Variants in MIXL1 observed in about 807,000 individuals in gnomAD.
MIXL1 encodes homeobox protein MIXL1.
A neutral mutation model predicts 9.3 loss-of-function variants in MIXL1; 9 were observed. The ratio of observed to expected loss-of-function variants is 0.97; its 90% confidence interval spans 0.58 to 1.69. MIXL1 has a LOEUF of 1.69. Ranked by LOEUF, MIXL1 falls within the 40% of genes most tolerant of loss-of-function variation. The probability of loss-of-function intolerance (pLI) is 0.00; values close to 1 mark genes in which losing one functional copy is unlikely to be tolerated. For missense variants in MIXL1, 330 were observed against 331.7 expected, an observed-to-expected ratio of 0.99 and a Z score of 0.04; for synonymous variants, 164 against 155.6, an observed-to-expected ratio of 1.05 and a Z score of -0.40.
Position 226,223,902 on chromosome 1 carries a change from C to A in MIXL1, c.221C>A (p.Ala74Glu). The A allele has an allele frequency of 7.8e-7, 1 of 1,289,234 alleles. No individual in the cohort carries two copies. The highest frequency in any genetic ancestry group is 9.9e-7 in the Non-Finnish European group (1 of 1,014,162). 79.9% of individuals were successfully genotyped at this position (1,289,234 alleles called of 1,614,324 possible). Residue 74 changes from alanine to glutamate, a missense_variant, in exon 1 of 2, where the codon GCG (alanine) becomes GAG (glutamate). By Grantham distance (107) the Ala-to-Glu change is moderately radical. Coordinates refer to ENST00000366810, the MANE Select transcript of MIXL1 (RefSeq NM_031944.3). ...PPPPASLGSP[A>E]PPKGAAAPSA... Reference sequence around the variant, plus strand: ...CCCCCCGCCAGCCTGGGCTCGCCTGCGCCCCCCAAAGGCGCGGCCGCCCCG... The same window carrying A: ...CCCCCCGCCAGCCTGGGCTCGCCTGAGCCCCCCAAAGGCGCGGCCGCCCCG...
Position 226,226,000 on chromosome 1 carries a change from A to G in MIXL1, c.*188A>G, listed in dbSNP as rs1657152382. ...ACTTTGTCAATGACGTTTTAAGCCC[A>G]CACTCCCACCCCAGAGTTCCCGCAT... On this transcript the variant is annotated 3_prime_UTR_variant, in exon 2 of 2. Coordinates refer to ENST00000366810, the MANE Select transcript of MIXL1 (RefSeq NM_031944.3). 1 of 599,554 alleles carries G rather than the reference A, an allele frequency of 1.7e-6. No homozygotes were observed. The highest frequency in any genetic ancestry group is 2.0e-5 in the South Asian group (1 of 49,628). 37.1% of individuals were successfully genotyped at this position (599,554 alleles called of 1,614,324 possible). A position where few individuals can be genotyped will look rare whatever the true frequency, so the allele number is the denominator to read the frequency against.
rs1464191386 is a variant in MIXL1, at chr1:226,226,614, G to C, written c.*802G>C. 7.0e-6 allele frequency: 1 copy of C among 141,918 alleles called. No individual in the cohort carries two copies. Among genetic ancestry groups the C allele is most frequent in the East Asian group, 2.2e-4 (1 of 4,456 alleles). 8.8% of individuals were successfully genotyped at this position (141,918 alleles called of 1,614,324 possible). A position where few individuals can be genotyped will look rare whatever the true frequency, so the allele number is the denominator to read the frequency against. On this transcript the variant is annotated 3_prime_UTR_variant, in exon 2 of 2. Transcript: ENST00000366810. ...GAATCACTTGAGCCTGGGAGGTGGA[G>C]GTTGCAGTGATCTAAGATCGTGCCA...
Position 226,225,709 on chromosome 1 carries a change from C to T in MIXL1, c.596C>T (p.Ser199Phe), listed in dbSNP as rs755712949. The T allele has an allele frequency of 1.2e-6, 2 of 1,614,172 alleles. No individual in the cohort carries two copies. Among genetic ancestry groups the T allele is most frequent in the South Asian group, 2.2e-5 (2 of 91,082 alleles). ...GGAGGGGGCATCTCTGACTCTAGCT[C>T]CCAAGGTCAGAATTTTGAAACCTGT... ...GVGGGISDSS[S>F]QGQNFETCSP... Residue 199 changes from serine (S) to phenylalanine (F), a missense_variant, in exon 2 of 2, where the codon TCC becomes TTC. Transcript: ENST00000366810.
At position 226,225,805 on chromosome 1, in the gene MIXL1, A is replaced by G; in HGVS notation, c.692A>G (p.Asn231Ser). 1 of 1,608,594 alleles carries G rather than the reference A, an allele frequency of 6.2e-7. No homozygotes were observed. Among genetic ancestry groups the G allele is most frequent in the Non-Finnish European group, 8.5e-7 (1 of 1,176,520 alleles). Residue 231 changes from asparagine to serine, a missense_variant, in exon 2 of 2, where the codon AAC becomes AGC. Physicochemically the swap from Asn to Ser is conservative, Grantham distance 46. Coordinates refer to ENST00000366810, the MANE Select transcript of MIXL1 (RefSeq NM_031944.3). Reference protein sequence around the residue: ...WEEHIFSAFGNF With the variant: ...WEEHIFSAFGSF ...GAACACATCTTTTCTGCCTTTGGTA[A>G]CTTTTGAGGATTCTGGGAGAATTCG...
chr1:226,223,900 T>G lies in MIXL1; in HGVS notation c.219T>G (p.Pro73=). Residue 73 remains proline, a synonymous_variant, in exon 1 of 2, where the codon CCT becomes CCG. Coordinates refer to ENST00000366810, the MANE Select transcript of MIXL1 (RefSeq NM_031944.3). ...APPPPASLGS[P]APPKGAAAPS... ...CGCCCCCCGCCAGCCTGGGCTCGCC[T>G]GCGCCCCCCAAAGGCGCGGCCGCCC... 2 of 1,284,948 alleles carry G rather than the reference T, an allele frequency of 1.6e-6. No homozygotes were observed. The highest frequency in any genetic ancestry group is 2.0e-6 in the Non-Finnish European group (2 of 1,012,032). 79.6% of individuals were successfully genotyped at this position (1,284,948 alleles called of 1,614,324 possible). A position where few individuals can be genotyped will look rare whatever the true frequency, so the allele number is the denominator to read the frequency against.
At position 226,225,935 on chromosome 1, in the gene MIXL1, T is replaced by C. The variant is rs1657150634; in HGVS notation, c.*123T>C. The C allele has an allele frequency of 2.4e-6, 2 of 841,156 alleles. No homozygotes were observed. Among genetic ancestry groups the C allele is most frequent in the Non-Finnish European group, 1.9e-6 (1 of 532,336 alleles). 52.1% of individuals were successfully genotyped at this position (841,156 alleles called of 1,614,324 possible). A position where few individuals can be genotyped will look rare whatever the true frequency, so the allele number is the denominator to read the frequency against. On this transcript the variant is annotated 3_prime_UTR_variant, in exon 2 of 2. Coordinates refer to ENST00000366810, the MANE Select transcript of MIXL1 (RefSeq NM_031944.3). Reference sequence around the variant, plus strand: ...GACATGTCCTTGTTAACCTTGATGATGGTTTTGACAGCACCTCTCACATTT... The same window carrying C: ...GACATGTCCTTGTTAACCTTGATGACGGTTTTGACAGCACCTCTCACATTT...
At chr1:226,225,474 C>A (rs1258034466) in intron 1 of MIXL1, 33 bp from the exon 2 acceptor site, 12 of 1,604,138 alleles carry the variant, frequency 7.5e-6, no homozygotes, top group Non-Finnish European at 1.0e-5. Flanking sequence ...AAACTCCAAC[C>A]AAAAGCAGCT....
rs1356022043 is a variant in MIXL1, at chr1:226,224,054, C to T, written c.373C>T (p.Leu125Phe). The change falls in exon 1 of 2, where the codon CTC becomes TTC. Residue 125 changes from leucine (L) to phenylalanine (F), a missense_variant. Transcript: ENST00000366810. ...CGAGCGCCTGGCCGCGCTCACCCTG[C>T]TCCCCGAGTCCAGGATCCAGGTGAG... ...LRERLAALTL[L>F]PESRIQVWFQ... The T allele has an allele frequency of 2.9e-6, 4 of 1,362,702 alleles. No homozygotes were observed. Among genetic ancestry groups the T allele is most frequent in the African/African-American group, 3.0e-5 (2 of 67,618 alleles). The allele number at this position is 1,362,702 out of a possible 1,614,324, so 84.4% of individuals were successfully genotyped here.
rs766431764 is a variant in MIXL1 at position 226,224,083 on chromosome 1, C to A, written c.393+9C>A. The A allele has an allele frequency of 1.5e-6, 2 of 1,304,168 alleles. No homozygotes were observed. Among genetic ancestry groups the A allele is most frequent in the Admixed American group, 3.1e-5 (1 of 32,326 alleles). 80.8% of individuals were successfully genotyped at this position (1,304,168 alleles called of 1,614,324 possible). ...CCGAGTCCAGGATCCAGGTGAGGGCCCGCTGCGTTCGCAAGTGCGCGCTGG... is the reference window on the plus strand; with the variant it reads ...CCGAGTCCAGGATCCAGGTGAGGGCACGCTGCGTTCGCAAGTGCGCGCTGG... On this transcript the variant is annotated intron_variant, in intron 1 of 1. Transcript: ENST00000366810.
chr1:226,223,676 G>A lies in MIXL1; in HGVS notation c.-6G>A. 7.0e-7 allele frequency: 1 copy of A among 1,422,322 alleles called. No homozygotes were observed. Among genetic ancestry groups the A allele is most frequent in the Non-Finnish European group, 9.1e-7 (1 of 1,093,768 alleles). The allele number at this position is 1,422,322 out of a possible 1,614,324, so 88.1% of individuals were successfully genotyped here. On this transcript the variant is annotated 5_prime_UTR_variant, in exon 1 of 2. Transcript: ENST00000366810. ...CCCTCCGAGCGGCGCGCTGGGTTCC[G>A]GAGCGATGGCCACAGCCGAGTCCCG...
chr1:226,225,786 A>G lies in MIXL1; in HGVS notation c.673A>G (p.Ile225Val). The stretch of plus-strand genomic sequence containing the variant: ...AAAGCTGGACTCATGGGAGGAACAC[A>G]TCTTTTCTGCCTTTGGTAACTTTTG... ...GSKLDSWEEH[I>V]FSAFGNF The change falls in exon 2 of 2, where the codon ATC (isoleucine) becomes GTC (valine). Residue 225 changes from isoleucine (I) to valine (V), a missense_variant. Ile to Val is a conservative substitution (Grantham distance 29). Transcript: ENST00000366810. The G allele has an allele frequency of 6.2e-7, 1 of 1,612,630 alleles. No individual in the cohort carries two copies.
Position 226,225,495 on chromosome 1 carries a change from C to T in MIXL1, c.394-12C>T, listed in dbSNP as rs748533425. The T allele has an allele frequency of 8.1e-6, 13 of 1,610,978 alleles. No homozygotes were observed. Among genetic ancestry groups the T allele is most frequent in the African/African-American group, 1.3e-5 (1 of 74,688 alleles). On this transcript the variant is annotated splice_polypyrimidine_tract_variant and intron_variant, in intron 1 of 1. Transcript: ENST00000366810. ...CAACCAAAAGCAGCTTTTATTTTCT[C>T]CCCTCTTCCAGGTATGGTTCCAGAA...
rs1043891725 is a variant in MIXL1 at position 226,225,567 on chromosome 1, T to G, written c.454T>G (p.Leu152Val). ...TCAGAGTGGGAAATCCTTCCAACCT[T>G]TGGCTAGGCCGGAGATTATCCTCAA... Reference protein sequence around the residue: ...RRQSGKSFQPLARPEIILNHC... With the variant: ...RRQSGKSFQPVARPEIILNHC... Residue 152 changes from leucine to valine, a missense_variant, in exon 2 of 2, where the codon TTG (leucine) becomes GTG (valine). By Grantham distance (32) the Leu-to-Val change is conservative. Coordinates refer to ENST00000366810, the MANE Select transcript of MIXL1 (RefSeq NM_031944.3). 2.5e-6 allele frequency: 4 copies of G among 1,614,102 alleles called. No homozygotes were observed. The African/African-American group carries it at 5.3e-5, about 22-fold the overall frequency.
In MIXL1 at chr1:226,223,735, A is replaced by T; in HGVS notation, c.54A>T (p.Pro18=). 1.4e-6 allele frequency: 2 copies of T among 1,453,574 alleles called. No homozygotes were observed. Among genetic ancestry groups the T allele is most frequent in the South Asian group, 1.3e-5 (1 of 74,710 alleles). 90.0% of individuals were successfully genotyped at this position (1,453,574 alleles called of 1,614,324 possible). A position where few individuals can be genotyped will look rare whatever the true frequency, so the allele number is the denominator to read the frequency against. ...AGTTTGCCGAGGGCGCCGCGTTTCC[A>T]GCGTACCGGGCCCCCCACGCCGGCG... The part of the protein sequence containing the change: ...ALQFAEGAAF[P]AYRAPHAGGA... Residue 18 remains proline, a synonymous_variant, in exon 1 of 2, where the codon CCA becomes CCT. Transcript: ENST00000366810.
chr1:226,223,668 T>A lies in MIXL1; in HGVS notation c.-14T>A. ...GCCCGCGCCCCTCCGAGCGGCGCGC[T>A]GGGTTCCGGAGCGATGGCCACAGCC... On this transcript the variant is annotated 5_prime_UTR_variant, in exon 1 of 2. Coordinates refer to ENST00000366810, the MANE Select transcript of MIXL1 (RefSeq NM_031944.3). 7.2e-7 allele frequency: 1 copy of A among 1,379,836 alleles called. No homozygotes were observed. The highest frequency in any genetic ancestry group is 1.7e-5 in the South Asian group (1 of 58,452). 85.5% of individuals were successfully genotyped at this position (1,379,836 alleles called of 1,614,324 possible).
rs1232511200 is a variant in MIXL1, at chr1:226,223,780, G to C, written c.99G>C (p.Pro33=). The part of the protein sequence containing the change: ...PHAGGALLPP[P]SPAAALLPAP... ...CCGGCGGGGCGCTCCTGCCGCCCCC[G>C]AGCCCTGCGGCAGCCCTGCTCCCTG... Residue 33 remains proline (P), a synonymous_variant, in exon 1 of 2, where the codon CCG becomes CCC. Coordinates refer to ENST00000366810, the MANE Select transcript of MIXL1 (RefSeq NM_031944.3). The C allele has an allele frequency of 3.6e-6, 5 of 1,390,610 alleles. No homozygotes were observed. Among genetic ancestry groups the C allele is most frequent in the Non-Finnish European group, 4.7e-6 (5 of 1,074,712 alleles). The allele number at this position is 1,390,610 out of a possible 1,614,324, so 86.1% of individuals were successfully genotyped here.
Position 226,223,774 on chromosome 1 carries a change from G to A in MIXL1, c.93G>A (p.Pro31=), listed in dbSNP as rs972235589. 9 of 1,393,388 alleles carry A rather than the reference G, an allele frequency of 6.5e-6. No homozygotes were observed. Among genetic ancestry groups the A allele is most frequent in the Middle Eastern group, 2.6e-4 (1 of 3,894 alleles). The allele number at this position is 1,393,388 out of a possible 1,614,324, so 86.3% of individuals were successfully genotyped here. Residue 31 remains proline (P), a synonymous_variant, in exon 1 of 2, where the codon CCG becomes CCA. Coordinates refer to ENST00000366810, the MANE Select transcript of MIXL1 (RefSeq NM_031944.3). Reference sequence around the variant, plus strand: ...CCCACGCCGGCGGGGCGCTCCTGCCGCCCCCGAGCCCTGCGGCAGCCCTGC... The same window carrying A: ...CCCACGCCGGCGGGGCGCTCCTGCCACCCCCGAGCCCTGCGGCAGCCCTGC... ...RAPHAGGALL[P]PPSPAAALLP...
intron 1 of MIXL1, 168 bp from the exon 2 acceptor site, chr1:226,225,339 C>G: frequency 1.5e-6 from 1 of 654,960 alleles, no homozygotes; most frequent in Non-Finnish European, 2.6e-6. Context: ...GCAAGGAAAG[C>G]CAGGTGTTCT....
chr1:226,225,894 T>G lies in MIXL1; in HGVS notation c.*82T>G, dbSNP rs1156989356. The G allele has an allele frequency of 4.4e-6, 5 of 1,127,766 alleles. No individual in the cohort carries two copies. Among genetic ancestry groups the G allele is most frequent in the Non-Finnish European group, 5.1e-6 (4 of 783,262 alleles). 69.9% of individuals were successfully genotyped at this position (1,127,766 alleles called of 1,614,324 possible). ...AGACACATCAGCATACTGTCCTTTC[T>G]GACTTCCATGCTAAGGACATGTCCT... On this transcript the variant is annotated 3_prime_UTR_variant, in exon 2 of 2. Coordinates refer to ENST00000366810, the MANE Select transcript of MIXL1 (RefSeq NM_031944.3).
Sources: gnomAD v4.1 joint callset for allele counts on GRCh38, gnomAD v4.1.1 for gene constraint, MANE v1.5 for transcripts, NCBI Gene and HGNC (gene_info 2026-07-23, HGNC 2026-07-21) for gene names.